The following CNKSR2 variants were observed in gnomAD, a reference collection of about 807,000 sequenced individuals.
The protein encoded by CNKSR2 is connector enhancer of kinase suppressor of Ras 2.
A neutral mutation model predicts 84.4 loss-of-function variants in CNKSR2; 14 were observed. The ratio of observed to expected loss-of-function variants is 0.17; its 90% CI spans 0.11 to 0.26. CNKSR2 has a LOEUF of 0.26. Among genes scored for constraint, CNKSR2 ranks in the 10% least tolerant of loss-of-function variants. CNKSR2 has a pLI of 1.00. For synonymous variants in CNKSR2, 275 were observed against 277.9 expected (o/e 0.99, Z 0.10); for missense variants, 485 against 771.2 (o/e 0.63, Z 4.40).
intron 1 of CNKSR2, among the ~76,000 whole-genome samples, chrX:21,386,536 T>C (rs2089972759): frequency 8.9e-6 from 1 of 112,180 alleles, no homozygotes; most frequent in Non-Finnish European, 1.9e-5. Flanking sequence ...TACATTATAT[T>C]TGAAAGTGAT....
chrX:21,539,273 G>C (rs188412723), intron 11 of CNKSR2, among the ~76,000 whole-genome samples: 2 of 110,975 alleles, frequency 1.8e-5, no homozygotes, highest in Admixed American at 9.5e-5. Flanking sequence ...TCTTAAGCTT[G>C]ATCTAGTCTA....
chrX:21,423,478 G>A (rs1023250847), intron 1 of CNKSR2: 12 of 111,879 alleles, frequency 1.1e-4, no homozygotes, highest in Non-Finnish European at 2.3e-4. Flanking sequence ...TTCAAAATAA[G>A]TTAGGACAGA....
intron 8 of CNKSR2, chrX:21,503,537 A>C (rs2091580483): frequency 4.1e-6 from 1 of 242,165 alleles, no homozygotes; most frequent in Non-Finnish European, 7.4e-6. Context: ...CAAAACTCAA[A>C]GTTCTTTGAC....
intron 20 of CNKSR2, among the ~76,000 whole-genome samples, chrX:21,622,098 C>T (rs776828932): frequency 9.0e-5 from 10 of 110,848 alleles, no homozygotes; most frequent in Non-Finnish European, 1.7e-4. Flanking sequence ...AGTCCCTTGT[C>T]TCCAGAAGCA....
At chrX:21,492,917 T>C (rs1299786318) in intron 6 of CNKSR2, 1 of 111,822 alleles carries the variant, frequency 8.9e-6, no homozygotes, top group Non-Finnish European at 1.9e-5. Flanking sequence ...CCATAGTAAA[T>C]GTCTAAATGA....
chrX:21,549,823 A>T (rs991078777), intron 11 of CNKSR2, among the ~76,000 whole-genome samples: 2 of 112,343 alleles, frequency 1.8e-5, no homozygotes, highest in African/African-American at 6.5e-5. Flanking sequence ...TGGGGAAAGG[A>T]TTTCCTATTT....
intron 4 of CNKSR2, among the ~76,000 whole-genome samples, chrX:21,469,542 GGTTT>G (rs1424460178): frequency 9.2e-6 from 1 of 108,955 alleles, no homozygotes; most frequent in Admixed American, 9.8e-5. Flanking sequence ...TGTGGAAATG[GGTTT>G]GTTTTTTTTT....
At chrX:21,410,815 T>C (rs750113155) in intron 1 of CNKSR2, among the ~76,000 whole-genome samples, 33 of 110,203 alleles carry the variant, frequency 3.0e-4, no homozygotes, top group Middle Eastern at 4.7e-3. Flanking sequence ...TGTGTGTGTG[T>C]GTTTGACTCT....
At chrX:21,568,785 A>T (rs1265523084) in intron 13 of CNKSR2, among the ~76,000 whole-genome samples, 4 of 111,748 alleles carry the variant, frequency 3.6e-5, no homozygotes, top group Non-Finnish European at 7.5e-5. Flanking sequence ...CAGACTAGAA[A>T]GCTGAGGCAC....
Position 21,591,111 on chromosome X carries a change from G to A in CNKSR2, c.1747G>A (p.Ala583Thr). ...CEGWLWKKKD[A>T]KSYFSQKWKK... is the part of the protein sequence containing the mutation. ...GGGCTGGCTTTGGAAAAAGAAAGAT[G>A]CGAAGAGTTACTTTTCACAGAAATG... is the stretch of plus-strand genomic sequence containing the variant. The change falls in exon 15 of 22, where the codon GCG (alanine) becomes ACG (threonine). Residue 583 changes from alanine (A) to threonine (T), a missense_variant. Physicochemically the swap from Ala to Thr is moderately conservative, Grantham distance 58. Transcript: ENST00000379510. 1 of 1,208,589 alleles carries A rather than the reference G, an allele frequency of 8.3e-7. No homozygotes were observed. The highest frequency in any genetic ancestry group is 1.1e-6 in the Non-Finnish European group (1 of 893,165).
In CNKSR2 at chrX:21,631,450, G is replaced by A. The variant is rs148767092; in HGVS notation, c.2693-17381G>A. 8.8e-3 allele frequency among the ~76,000 whole-genome samples: 987 copies of A among 112,273 alleles called. 5 individuals are homozygous for A. Among genetic ancestry groups the A allele is most frequent in the African/African-American group, 0.03 (927 of 30,904 alleles). ...TTCGAAGTTCTACTTTATACATTTT[G>A]TGGAAACAATCCAAATATTTCTGCC... is the stretch of plus-strand genomic sequence containing the variant. On this transcript the variant is annotated intron_variant, in intron 20 of 21. Coordinates refer to ENST00000379510, the MANE Select transcript of CNKSR2 (RefSeq NM_014927.5).
At chrX:21,404,789 C>CAAAAA (rs59192713) in intron 1 of CNKSR2, among the ~76,000 whole-genome samples, 1 of 30,066 alleles carries the variant, frequency 3.3e-5, no homozygotes, top group Non-Finnish European at 6.1e-5. Context: ...AACTCTGTCT[C>CAAAAA]AAAAAAAAAA....
chrX:21,567,795 GGTGTGTGTGTGT>G lies in CNKSR2; in HGVS notation c.1608+4378_1608+4389del, dbSNP rs58020537. ...ACAAGGCAGACAGAAGTTTTTGTGT[GGTGTGTGTGTGT>G]GTGTGTGTGTGTGTGTGTGTGTGTG... On this transcript the variant is annotated intron_variant, in intron 13 of 21. Transcript: ENST00000379510. Among the ~76,000 whole-genome samples, 369 of 90,125 alleles carry G rather than the reference GGTGTGTGTGTGT, an allele frequency of 4.1e-3. 2 individuals are homozygous for G. Among genetic ancestry groups the G allele is most frequent in the African/African-American group, 0.013 (322 of 24,811 alleles). 78.3% of individuals were successfully genotyped at this position (90,125 alleles called of 115,157 possible). A position where few individuals can be genotyped will look rare whatever the true frequency, so the allele number is the denominator to read the frequency against.
At chrX:21,594,764 A>G in intron 15 of CNKSR2, 1 of 294,563 alleles carries the variant, frequency 3.4e-6, no homozygotes, top group Non-Finnish European at 6.1e-6. Flanking sequence ...AAAGTTCTAT[A>G]CTTTAATTTG....
chrX:21,405,278 T>C (rs1269650459), intron 1 of CNKSR2, among the ~76,000 whole-genome samples: 1 of 111,990 alleles, frequency 8.9e-6, no homozygotes, highest in Non-Finnish European at 1.9e-5. Flanking sequence ...GGCATTCTTA[T>C]CCAGGAATGT....
intron 15 of CNKSR2, 67 bp from the exon 16 acceptor site, chrX:21,594,907 G>A: frequency 1.2e-6 from 1 of 818,857 alleles, no homozygotes; most frequent in Admixed American, 2.6e-5. Flanking sequence ...CTAAGCCATA[G>A]TTACAGAGTA....
At chrX:21,557,543 C>A (rs1406359282) in intron 11 of CNKSR2, among the ~76,000 whole-genome samples, 1 of 110,896 alleles carries the variant, frequency 9.0e-6, no homozygotes, top group Non-Finnish European at 1.9e-5. Flanking sequence ...AGATGTGCAA[C>A]AGATATTAAA....
intron 1 of CNKSR2, among the ~76,000 whole-genome samples, chrX:21,391,109 A>G (rs2090043792): frequency 8.9e-6 from 1 of 112,731 alleles, no homozygotes; most frequent in South Asian, 3.6e-4. Flanking sequence ...TGAAGGGTAC[A>G]ACCCCCTTGG....
intron 13 of CNKSR2, among the ~76,000 whole-genome samples, chrX:21,566,275 G>A: frequency 8.9e-6 from 1 of 111,800 alleles, no homozygotes; most frequent in South Asian, 3.7e-4. Context: ...TCTATTGCTG[G>A]GACAACAGAA....
Sources: allele counts gnomAD v4.1 joint callset (sites outside exome capture counted in the v4.1 genomes callset), GRCh38; gene constraint gnomAD v4.1.1; transcripts MANE v1.5; gene names NCBI Gene and HGNC (gene_info 2026-07-23, HGNC 2026-07-21).